Variants in WDFY4 observed in about 807,000 individuals in gnomAD.
WDFY4 encodes the protein WDFY family member 4.
In WDFY4, 169 loss-of-function variants were observed where a neutral mutation model predicts 351.9. The ratio of observed to expected loss-of-function variants is 0.48; its 90% confidence interval spans 0.42 to 0.55. The LOEUF is 0.55. Among genes scored for constraint, WDFY4 ranks in the 20% least tolerant of loss-of-function variants. The pLI, the probability that WDFY4 is intolerant of heterozygous loss-of-function variation, is 0.00. For missense variants in WDFY4, 3,803 were observed against 3,935.6 expected, an observed-to-expected ratio of 0.97 and a Z score of 0.90; for synonymous variants, 1,622 against 1,574.6, an observed-to-expected ratio of 1.03 and a Z score of -0.71.
chr10:48,717,297 T>C (rs1431652480), intron 2 of WDFY4, among the ~76,000 whole-genome samples: 6 of 152,220 alleles, frequency 3.9e-5, no homozygotes, highest in African/African-American at 1.4e-4. Context: ...CAACAGTGTT[T>C]AACAGTAATC....
chr10:48,836,149 C>T (rs2068385117), intron 39 of WDFY4, among the ~76,000 whole-genome samples: 2 of 152,142 alleles, frequency 1.3e-5, no homozygotes, highest in Admixed American at 1.3e-4. Context: ...CAACTATTTG[C>T]CCTGGGGTCT....
chr10:48,862,006 T>G (rs1249338806), intron 39 of WDFY4, among the ~76,000 whole-genome samples: 3 of 152,202 alleles, frequency 2.0e-5, no homozygotes, highest in African/African-American at 7.2e-5. Context: ...CTTTATATCT[T>G]CTATTTATCT....
intron 47 of WDFY4, chr10:48,913,886 C>T: frequency 1.2e-6 from 2 of 1,614,164 alleles, no homozygotes; most frequent in Non-Finnish European, 1.7e-6. Context: ...GGCCAATGGA[C>T]TCAGGCAGCT....
At chr10:48,788,121 C>G (rs912610638) in intron 20 of WDFY4, among the ~76,000 whole-genome samples, 1 of 151,512 alleles carries the variant, frequency 6.6e-6, no homozygotes, top group East Asian at 1.9e-4. Context: ...TCTGCCTCCC[C>G]GGTTCAAGCC....
chr10:48,882,671 G>C (rs2070301245), intron 43 of WDFY4, among the ~76,000 whole-genome samples: 1 of 152,192 alleles, frequency 6.6e-6, no homozygotes, highest in Admixed American at 6.5e-5. Flanking sequence ...CACATAGTGA[G>C]AGAGGCAGCA....
At chr10:48,759,927 G>A (rs1181247786) in intron 12 of WDFY4, among the ~76,000 whole-genome samples, 1 of 152,152 alleles carries the variant, frequency 6.6e-6, no homozygotes, top group African/African-American at 2.4e-5. Context: ...TTCAGGGGGT[G>A]GGACAGAGCT....
chr10:48,901,737 C>A (rs1837363302), intron 46 of WDFY4, 64 bp from the exon 47 acceptor site: 1 of 1,505,058 alleles, frequency 6.6e-7, no homozygotes, highest in Non-Finnish European at 9.1e-7. Flanking sequence ...TCCGGAAATG[C>A]CTCTGCAGCA....
rs1189644117 is a variant in WDFY4 at position 48,963,994 on chromosome 10, C to A, written c.8376C>A (p.Asp2792Glu). 1.9e-6 allele frequency: 3 copies of A among 1,550,484 alleles called. No individual in the cohort carries two copies. In the South Asian group the frequency reaches 3.6e-5, roughly 18 times the overall value. ...GAATGGACCTCAGCAGCATCACTGA[C>A]CCCCTCATCAAAAGCACCATCCTGG... ...GDRMDLSSITDPLIKSTILGF... is the reference protein window; with the variant it reads ...GDRMDLSSITEPLIKSTILGF... Residue 2792 changes from aspartate to glutamate, a missense_variant, in exon 54 of 62, where the codon GAC (aspartate) becomes GAA (glutamate). Asp to Glu is a conservative substitution (Grantham distance 45). Transcript: ENST00000325239.
chr10:48,702,789 TC>T (rs143042238), intron 1 of WDFY4, among the ~76,000 whole-genome samples: 23,082 of 152,182 alleles, frequency 0.15, 2,151 homozygotes, highest in Non-Finnish European at 0.21. Context: ...TGTTTAACTT[TC>T]CCCGAAACTG....
At chr10:48,713,181 G>T (rs574754872) in intron 2 of WDFY4, among the ~76,000 whole-genome samples, 1 of 152,310 alleles carries the variant, frequency 6.6e-6, no homozygotes, top group South Asian at 2.1e-4. Flanking sequence ...GGTGATCTAT[G>T]TTGTAGTTGG....
At chr10:48,704,635 C>T (rs992736092) in intron 1 of WDFY4, among the ~76,000 whole-genome samples, 2 of 152,210 alleles carry the variant, frequency 1.3e-5, no homozygotes, top group Non-Finnish European at 2.9e-5. Context: ...TCCCCATCCT[C>T]AGCCCCAAGC....
At position 48,738,670 on chromosome 10, in the gene WDFY4, C is replaced by G. The variant is rs184642985; in HGVS notation, c.1878+2600C>G. 2.7e-4 allele frequency among the ~76,000 whole-genome samples: 41 copies of G among 152,346 alleles called. No homozygotes were observed. In the East Asian group the frequency reaches 7.7e-3, roughly 29 times the overall value. ...TCAGATGTGAGATCTACATTTGTTT[C>G]TAAGTCATCATGGGAACCCCCTGAA... is the stretch of plus-strand genomic sequence containing the variant. On this transcript the variant is annotated intron_variant, in intron 11 of 61. Transcript: ENST00000325239.
intron 1 of WDFY4, among the ~76,000 whole-genome samples, chr10:48,703,253 A>G (rs148229754): frequency 2.5e-3 from 379 of 152,302 alleles, no homozygotes; most frequent in South Asian, 7.5e-3. Context: ...GAGTGTTTGG[A>G]TCGGCTGACA....
At chr10:48,875,182 T>C in intron 42 of WDFY4, 42 bp downstream of exon 42, 2 of 1,104,730 alleles carry the variant, frequency 1.8e-6, no homozygotes, top group Non-Finnish European at 2.4e-6. Context: ...GTTAAGCTAA[T>C]TATTGGTTTT....
intron 13 of WDFY4, among the ~76,000 whole-genome samples, chr10:48,770,481 A>G (rs1358036817): frequency 2.6e-5 from 4 of 152,242 alleles, no homozygotes; most frequent in Non-Finnish European, 5.9e-5. Context: ...TACAGACTGC[A>G]TCCCAACTCT....
At chr10:48,822,249 G>A in intron 34 of WDFY4, 131 bp from the exon 35 acceptor site, 1 of 1,014,232 alleles carries the variant, frequency 9.9e-7, no homozygotes, top group Non-Finnish European at 1.3e-6. Flanking sequence ...GTCAGTACAA[G>A]ACTCCATCTT....
At chr10:48,884,531 T>TACATGTGTGCATACACAC (rs1251085318) in intron 43 of WDFY4, among the ~76,000 whole-genome samples, 1 of 151,910 alleles carries the variant, frequency 6.6e-6, no homozygotes, top group Non-Finnish European at 1.5e-5. Flanking sequence ...TGCACACACA[T>TACATGTGTGCATACACAC]ACATGTGTGC....
intron 47 of WDFY4, among the ~76,000 whole-genome samples, chr10:48,928,844 A>G (rs1839807669): frequency 1.3e-5 from 2 of 152,296 alleles, no homozygotes; most frequent in South Asian, 4.1e-4. Context: ...ACACAGCTGA[A>G]CTTCCCACAG....
chr10:48,855,820 T>C (rs2069112710), intron 39 of WDFY4, among the ~76,000 whole-genome samples: 1 of 152,100 alleles, frequency 6.6e-6, no homozygotes, highest in Admixed American at 6.5e-5. Context: ...CAGAAATAAC[T>C]TATAAGTTTT....
Sources: gnomAD v4.1 joint callset for allele counts (sites outside exome capture counted in the v4.1 genomes callset) on GRCh38, gnomAD v4.1.1 for gene constraint, MANE v1.5 for transcripts, NCBI Gene and HGNC (gene_info 2026-07-23, HGNC 2026-07-21) for gene names.